The following PBLD variants were observed in gnomAD, a reference collection of about 807,000 sequenced individuals.
PBLD encodes phenazine biosynthesis like protein domain containing.
Under a neutral mutation model 31.3 loss-of-function variants are expected in PBLD, and 26 were observed. That is an observed-to-expected ratio of 0.83 (90% CI 0.61 to 1.15). The LOEUF (loss-of-function observed/expected upper bound fraction) is 1.15. Among genes scored for constraint, PBLD ranks in the 50% most tolerant of loss-of-function variants. The pLI, the probability that PBLD is intolerant of heterozygous loss-of-function variation, is 0.00. For missense variants in PBLD, 307 were observed against 351.7 expected (o/e 0.87, Z 1.02); for synonymous variants, 114 against 129.0 (o/e 0.88, Z 0.79).
At chr10:68,317,577 C>T (rs149825752) in intron 1 of PBLD, among the ~76,000 whole-genome samples, 20 of 152,020 alleles carry the variant, frequency 1.3e-4, no homozygotes, top group African/African-American at 4.6e-4. Context: ...GAGGGCATCC[C>T]CTGAGGTCAG....
At chr10:68,290,837 C>G (rs1055778794) in intron 6 of PBLD, among the ~76,000 whole-genome samples, 6 of 152,148 alleles carry the variant, frequency 3.9e-5, no homozygotes, top group African/African-American at 1.4e-4. Context: ...GACCCTGAGA[C>G]TAAGTTGAGT....
rs1340331087 is a variant in PBLD, at chr10:68,284,304, C to T, written c.755-15G>A. 5 of 1,594,724 alleles carry T rather than the reference C, an allele frequency of 3.1e-6. No homozygotes were observed. The highest frequency in any genetic ancestry group is 4.3e-6 in the Non-Finnish European group (5 of 1,162,978). ...ACACTGAAAAGCTAAAGAAAACAAACAGGTCAAATTAAGAGTATTTTCACC... is the reference window on the plus strand; with the variant it reads ...ACACTGAAAAGCTAAAGAAAACAAATAGGTCAAATTAAGAGTATTTTCACC... On this transcript the variant is annotated splice_polypyrimidine_tract_variant and intron_variant, in intron 9 of 9. Coordinates refer to ENST00000358769, the MANE Select transcript of PBLD (RefSeq NM_022129.4).
rs752431741 is a variant in PBLD at position 68,297,030 on chromosome 10, C to T, written c.85-45G>A. On this transcript the variant is annotated intron_variant, in intron 2 of 9. Coordinates refer to ENST00000358769, the MANE Select transcript of PBLD (RefSeq NM_022129.4). ...TCATTGAGGTTTCAAAAACACAGAT[C>T]AGACTTCCTTTGGACAACAACTACC... 6 of 1,446,764 alleles carry T rather than the reference C, an allele frequency of 4.1e-6. No individual in the cohort carries two copies. In the African/African-American group the frequency reaches 8.4e-5, roughly 20 times the overall value. 89.6% of individuals were successfully genotyped at this position (1,446,764 alleles called of 1,614,324 possible).
At chr10:68,301,818 C>T (rs1190903712) in intron 2 of PBLD, among the ~76,000 whole-genome samples, 2 of 152,184 alleles carry the variant, frequency 1.3e-5, no homozygotes, top group African/African-American at 4.8e-5. Context: ...AGTCCACTGC[C>T]CACCAGCTCT....
intron 1 of PBLD, among the ~76,000 whole-genome samples, chr10:68,328,236 T>A (rs1020865089): frequency 2.6e-5 from 4 of 152,222 alleles, no homozygotes; most frequent in African/African-American, 9.7e-5. Flanking sequence ...TTTGTTACAT[T>A]TTTTAGATTA....
rs369786441 is a variant in PBLD at position 68,316,524 on chromosome 10, C to G, written c.-59-9621G>C. Among the ~76,000 whole-genome samples, 8 of 152,204 alleles carry G rather than the reference C, an allele frequency of 5.3e-5. No homozygotes were observed. In the South Asian group the frequency reaches 1.2e-3, roughly 24 times the overall value. On this transcript the variant is annotated intron_variant, in intron 1 of 9. Transcript: ENST00000358769. ...ACATCATCAAGTATACCACTATATG[C>G]ATAATGAGAGTCCCAGAAACAGAAA...
At chr10:68,295,625 C>G (rs936430352) in intron 4 of PBLD, among the ~76,000 whole-genome samples, 5 of 151,966 alleles carry the variant, frequency 3.3e-5, no homozygotes, top group African/African-American at 9.7e-5. Flanking sequence ...GACAATTCTG[C>G]CCATGCAAGC....
At chr10:68,291,564 C>T (rs1293907890) in intron 6 of PBLD, among the ~76,000 whole-genome samples, 1 of 152,106 alleles carries the variant, frequency 6.6e-6, no homozygotes, top group Non-Finnish European at 1.5e-5. Flanking sequence ...GGAATGACCT[C>T]TTTCTGCCAG....
chr10:68,293,974 T>C (rs1203191652), intron 4 of PBLD, among the ~76,000 whole-genome samples: 3 of 151,646 alleles, frequency 2.0e-5, no homozygotes, highest in African/African-American at 7.3e-5. Context: ...AAACTCCATC[T>C]CAAAAAAACA....
intron 2 of PBLD, among the ~76,000 whole-genome samples, chr10:68,306,391 C>A (rs931216234): frequency 6.6e-6 from 1 of 152,186 alleles, no homozygotes; most frequent in African/African-American, 2.4e-5. Flanking sequence ...CAGTTAGGAT[C>A]TGTTATGCTC....
intron 2 of PBLD, among the ~76,000 whole-genome samples, chr10:68,298,757 TACACAC>T (rs57358655): frequency 0.012 from 1,694 of 147,260 alleles, 17 homozygotes; most frequent in Non-Finnish European, 0.016. Flanking sequence ...TGCATACGAA[TACACAC>T]ACACACACAC....
In PBLD at chr10:68,306,851, T is replaced by C. The variant is rs201149516; in HGVS notation, c.-7A>G. The C allele has an allele frequency of 8.3e-5, 133 of 1,603,172 alleles. 2 individuals carry two copies. In the East Asian group the frequency reaches 2.9e-3, roughly 35 times the overall value. On this transcript the variant is annotated 5_prime_UTR_variant, in exon 2 of 10. Coordinates refer to ENST00000358769, the MANE Select transcript of PBLD (RefSeq NM_022129.4). Reference sequence around the variant, plus strand: ...TGAAAATAGGAAGCTTCATTTTCCTTGCAAGCTGTTTTTGCAAGTTCTCAA... The same window carrying C: ...TGAAAATAGGAAGCTTCATTTTCCTCGCAAGCTGTTTTTGCAAGTTCTCAA...
chr10:68,296,935 A>G lies in PBLD; in HGVS notation c.135T>C (p.Ser45=), dbSNP rs778306065. The G allele has an allele frequency of 1.2e-6, 2 of 1,613,966 alleles. No individual in the cohort carries two copies. Among genetic ancestry groups the G allele is most frequent in the East Asian group, 2.2e-5 (1 of 44,890 alleles). Residue 45 remains serine (S), a synonymous_variant, in exon 3 of 10, where the codon TCT becomes TCC. Transcript: ENST00000358769. ...HQKIAREMNL[S]ETAFIRKLHP... is the part of the protein sequence containing the mutation. ...GCAGTTTTCGGATAAAAGCAGTTTC[A>G]GAGAGGTTCATCTCCCTTGCAATTT... is the stretch of plus-strand genomic sequence containing the variant.
At chr10:68,310,938 C>T (rs945794927) in intron 1 of PBLD, among the ~76,000 whole-genome samples, 28 of 152,184 alleles carry the variant, frequency 1.8e-4, no homozygotes, top group Non-Finnish European at 4.4e-5. Flanking sequence ...ATAGCTTAGC[C>T]TAGCCTACCT....
rs181312102 is a variant in PBLD at position 68,283,148 on chromosome 10, T to C, written c.*1029A>G. On this transcript the variant is annotated 3_prime_UTR_variant, in exon 10 of 10. Coordinates refer to ENST00000358769, the MANE Select transcript of PBLD (RefSeq NM_022129.4). ...ATCCTCCTGCCTTGTCCTGCCAAAG[T>C]GCTGGGATTACAGGCATGAGCCGCC... 1.5e-4 allele frequency: 23 copies of C among 152,222 alleles called. No homozygotes were observed. The East Asian group carries it at 4.1e-3, about 27-fold the overall frequency. The allele number at this position is 152,222 out of a possible 1,614,324, so 9.4% of individuals were successfully genotyped here.
At chr10:68,329,159 G>A (rs906699486) in intron 1 of PBLD, among the ~76,000 whole-genome samples, 35 of 152,280 alleles carry the variant, frequency 2.3e-4, no homozygotes, top group African/African-American at 6.3e-4. Context: ...GATTACAGGC[G>A]TGAGCCACCA....
Position 68,320,816 on chromosome 10 carries a change from A to AC in PBLD, c.-60+11967dup, listed in dbSNP as rs151117092. ...TTATAGGCATGAGCCATTGTGCTCA[A>AC]CCCCCTTTTTTTTTTTTTTGAGACA... On this transcript the variant is annotated intron_variant, in intron 1 of 9. Transcript: ENST00000358769. Among the ~76,000 whole-genome samples, 979 of 131,446 alleles carry AC rather than the reference A, an allele frequency of 7.4e-3. 14 individuals are homozygous for AC. The highest frequency in any genetic ancestry group is 0.022 in the African/African-American group (773 of 34,596). The allele number at this position is 131,446 out of a possible 152,430, so 86.2% of individuals were successfully genotyped here. A position where few individuals can be genotyped will look rare whatever the true frequency, so the allele number is the denominator to read the frequency against.
At chr10:68,288,201 CT>C (rs1266475239) in intron 8 of PBLD, 1 of 431,562 alleles carries the variant, frequency 2.3e-6, no homozygotes, top group Non-Finnish European at 4.1e-6. Context: ...GGAACTGAGA[CT>C]TTTAAAAGTC....
At chr10:68,290,077 G>T (rs912242564) in intron 6 of PBLD, among the ~76,000 whole-genome samples, 2 of 55,086 alleles carry the variant, frequency 3.6e-5, no homozygotes. Context: ...GGGTGGCTTG[G>T]GGCAGAGGGG....
Sources: allele counts gnomAD v4.1 joint callset (sites outside exome capture counted in the v4.1 genomes callset), GRCh38; gene constraint gnomAD v4.1.1; transcripts MANE v1.5; gene names NCBI Gene and HGNC (gene_info 2026-07-23, HGNC 2026-07-21).